The following BCAS1 variants were observed in gnomAD, a reference collection of about 807,000 sequenced individuals.
The protein encoded by BCAS1 is breast carcinoma-amplified sequence 1.
Under a neutral mutation model 65.4 loss-of-function variants are expected in BCAS1, and 46 were observed. The observed-to-expected ratio is 0.70, with a 90% CI of 0.55 to 0.90. BCAS1 has a LOEUF of 0.90. BCAS1 is among the 40% of genes least tolerant of loss of function. The pLI, the probability that BCAS1 is intolerant of heterozygous loss-of-function variation, is 0.00. For synonymous variants in BCAS1, 298 were observed against 293.5 expected, an observed-to-expected ratio of 1.02 and a Z score of -0.16; for missense variants, 793 against 771.2, an observed-to-expected ratio of 1.03 and a Z score of -0.33.
chr20:54,038,439 T>C (rs1257398758), intron 3 of BCAS1, among the ~76,000 whole-genome samples: 1 of 151,218 alleles, frequency 6.6e-6, no homozygotes, highest in East Asian at 1.9e-4. Flanking sequence ...CCAGTTCCCA[T>C]AGTGCTAGAC....
chr20:54,036,388 T>G (rs2091900375), intron 3 of BCAS1, among the ~76,000 whole-genome samples: 1 of 151,450 alleles, frequency 6.6e-6, no homozygotes, highest in Non-Finnish European at 1.5e-5. Context: ...TTTGATTTTC[T>G]TAGTGCAGAA....
intron 12 of BCAS1, among the ~76,000 whole-genome samples, chr20:53,946,431 A>T (rs1195174700): frequency 6.6e-6 from 1 of 151,858 alleles, no homozygotes. Flanking sequence ...TGCTGCATGG[A>T]TCAATTGTGG....
intron 4 of BCAS1, among the ~76,000 whole-genome samples, chr20:54,000,738 A>AT (rs34949980): frequency 0.15 from 23,023 of 151,326 alleles, 1,928 homozygotes; most frequent in East Asian, 0.27. Context: ...TAAATTCACA[A>AT]TTTTTTTTTC....
intron 3 of BCAS1, among the ~76,000 whole-genome samples, chr20:54,030,696 G>A (rs2091780723): frequency 6.6e-6 from 1 of 151,298 alleles, no homozygotes; most frequent in African/African-American, 2.4e-5. Context: ...CAAAAAAGGG[G>A]GGAGAGTGAG....
chr20:53,994,853 A>G (rs75411871), intron 6 of BCAS1, among the ~76,000 whole-genome samples, 159 bp downstream of exon 6: 6,939 of 151,780 alleles, frequency 0.046, 200 homozygotes, highest in South Asian at 0.076. Context: ...ACAACCTAAC[A>G]GCACTATTAA....
chr20:53,985,580 CAT>C, intron 7 of BCAS1, 81 bp from the exon 8 acceptor site: 1 of 1,307,622 alleles, frequency 7.6e-7, no homozygotes, highest in Non-Finnish European at 1.1e-6. Context: ...TTTTAATAAA[CAT>C]GGGCTGAGGT....
At chr20:53,966,205 T>C (rs538086825) in intron 10 of BCAS1, among the ~76,000 whole-genome samples, 1 of 152,224 alleles carries the variant, frequency 6.6e-6, no homozygotes, top group South Asian at 2.1e-4. Context: ...CAATTCACAA[T>C]TGCAAAGATA....
chr20:54,023,340 T>TCAG (rs1228474265), intron 4 of BCAS1, among the ~76,000 whole-genome samples: 1 of 152,234 alleles, frequency 6.6e-6, no homozygotes, highest in Middle Eastern at 3.2e-3. Context: ...TAGCTGTGTG[T>TCAG]CAGGAGTGAT....
rs902075287 is a variant in BCAS1 at position 54,040,137 on chromosome 20, C to T, written c.143-11165G>A. Among the ~76,000 whole-genome samples the T allele has an allele frequency of 6.6e-5, 10 of 151,432 alleles. 2 individuals are homozygous for T. The highest frequency in any genetic ancestry group is 3.4e-3 in the Middle Eastern group (1 of 290). On this transcript the variant is annotated intron_variant, in intron 3 of 12. Coordinates refer to ENST00000688948, the MANE Select transcript of BCAS1 (RefSeq NM_001366298.2). ...TTTCCACTATAGTGGAATAAACTTT[C>T]GTGTTCAAAAATCCTAAACTGGTGC...
intron 3 of BCAS1, among the ~76,000 whole-genome samples, chr20:54,045,551 T>G (rs2092087781): frequency 6.6e-6 from 1 of 152,234 alleles, no homozygotes; most frequent in Non-Finnish European, 1.5e-5. Context: ...ACCACATAAA[T>G]GAGCTAAACC....
In BCAS1 at chr20:53,975,339, A is replaced by G. The variant is rs1445836599; in HGVS notation, c.1317+50T>C. The stretch of plus-strand genomic sequence containing the variant: ...AGCTGAAAATGCCCAATTGTACAAC[A>G]TGGCGGAAGATGAGAATGGAATGAT... On this transcript the variant is annotated intron_variant, in intron 9 of 12. Transcript: ENST00000688948. 1.9e-6 allele frequency: 3 copies of G among 1,560,668 alleles called. No homozygotes were observed. In the South Asian group the frequency reaches 3.3e-5, roughly 17 times the overall value.
At chr20:54,016,766 G>C (rs192837420) in intron 4 of BCAS1, among the ~76,000 whole-genome samples, 6 of 152,302 alleles carry the variant, frequency 3.9e-5, no homozygotes, top group South Asian at 4.1e-4. Flanking sequence ...TGGAAATTGA[G>C]TCTGGATAAC....
At chr20:54,044,770 G>A (rs781049525) in intron 3 of BCAS1, among the ~76,000 whole-genome samples, 23 of 150,956 alleles carry the variant, frequency 1.5e-4, no homozygotes, top group Admixed American at 1.3e-3. Flanking sequence ...CCCAGGAGGC[G>A]GAGGTTGCAG....
chr20:54,048,492 C>T (rs760444878), intron 3 of BCAS1, among the ~76,000 whole-genome samples: 67 of 151,996 alleles, frequency 4.4e-4, no homozygotes, highest in African/African-American at 1.3e-3. Context: ...CCTCCTTCCT[C>T]GCATAATACA....
At position 53,992,518 on chromosome 20, in the gene BCAS1, C is replaced by G. The variant is rs1311494820; in HGVS notation, c.1056G>C (p.Arg352Ser). 5.1e-6 allele frequency: 7 copies of G among 1,365,422 alleles called. No homozygotes were observed. The Admixed American group carries it at 1.1e-4, about 22-fold the overall frequency. The allele number at this position is 1,365,422 out of a possible 1,614,324, so 84.6% of individuals were successfully genotyped here. A position where few individuals can be genotyped will look rare whatever the true frequency, so the allele number is the denominator to read the frequency against. ...RLGLAFRKFFRHKGAEKSPTT... is the reference protein window; with the variant it reads ...RLGLAFRKFFSHKGAEKSPTT... ...ACTTTAATAAGATACAGACCTTATG[C>G]CTAAAGAATTTTCTAAAGGCGAGTC... Residue 352 changes from arginine (R) to serine (S), a missense_variant, in exon 7 of 13, where the codon AGG becomes AGC. Physicochemically the swap from Arg to Ser is moderately radical, Grantham distance 110 (BLOSUM62 -1). Transcript: ENST00000688948.
intron 2 of BCAS1, 37 bp downstream of exon 2, chr20:54,058,610 T>TC: frequency 6.5e-7 from 1 of 1,527,836 alleles, no homozygotes. Context: ...TTTTTTTTTT[T>TC]TTTCTGCTGA....
chr20:54,022,332 A>T (rs1369291816), intron 4 of BCAS1, among the ~76,000 whole-genome samples: 1 of 152,184 alleles, frequency 6.6e-6, no homozygotes, highest in Non-Finnish European at 1.5e-5. Context: ...TAAAAATGAT[A>T]TATTACCAAC....
rs1217601003 is a variant in BCAS1 at position 53,982,543 on chromosome 20, A to C, written c.1275+2744T>G. Among the ~76,000 whole-genome samples, 4 of 152,208 alleles carry C rather than the reference A, an allele frequency of 2.6e-5. No individual in the cohort carries two copies. In the East Asian group the frequency reaches 7.7e-4, roughly 29 times the overall value. ...ATAAACTTTAAAATCAATATGTTTG[A>C]AAGCTTTTCAACTAAAAATGAGAGA... On this transcript the variant is annotated intron_variant, in intron 8 of 12. Transcript: ENST00000688948.
chr20:54,028,675 C>T lies in BCAS1; in HGVS notation c.440G>A (p.Gly147Glu). Residue 147 changes from glycine to glutamate, a missense_variant, in exon 4 of 13, where the codon GGG (glycine) becomes GAG (glutamate). Gly to Glu is a moderately conservative substitution (Grantham distance 98). Coordinates refer to ENST00000688948, the MANE Select transcript of BCAS1 (RefSeq NM_001366298.2). ...SWTLPVAAGPGQDTDKTPGHA... is the reference protein window; with the variant it reads ...SWTLPVAAGPEQDTDKTPGHA... The stretch of plus-strand genomic sequence containing the variant: ...CCCTGGGGTTTTATCTGTGTCCTGC[C>T]CCGGTCCAGCTGCCACCGGAAGTGT... 2 of 1,614,122 alleles carry T rather than the reference C, an allele frequency of 1.2e-6. No individual in the cohort carries two copies. The highest frequency in any genetic ancestry group is 1.7e-6 in the Non-Finnish European group (2 of 1,180,026).
Sources: gnomAD v4.1 joint callset for allele counts (sites outside exome capture counted in the v4.1 genomes callset) on GRCh38, gnomAD v4.1.1 for gene constraint, MANE v1.5 for transcripts, NCBI Gene and HGNC (gene_info 2026-07-23, HGNC 2026-07-21) for gene names.